Variants in MAP4 observed in about 807,000 individuals in gnomAD.
MAP4 encodes microtubule-associated protein 4.
In MAP4, 76 loss-of-function variants were observed where a neutral mutation model predicts 170.2. The ratio of observed to expected loss-of-function variants is 0.45; its 90% CI spans 0.37 to 0.54. The LOEUF (loss-of-function observed/expected upper bound fraction) is 0.54. Among genes scored for constraint, MAP4 ranks in the 20% least tolerant of loss-of-function variants. MAP4 has a pLI of 0.00. For synonymous variants in MAP4, 909 were observed against 994.5 expected (o/e 0.91, Z 1.62); for missense variants, 2,506 against 2,748.0 (o/e 0.91, Z 1.97).
intron 1 of MAP4, among the ~76,000 whole-genome samples, chr3:48,003,745 C>T (rs1052457194): frequency 6.6e-6 from 1 of 152,134 alleles, no homozygotes; most frequent in Non-Finnish European, 1.5e-5. Flanking sequence ...AACATTGATC[C>T]TGGGTGTGTC....
intron 4 of MAP4, among the ~76,000 whole-genome samples, chr3:47,924,777 G>T (rs577659260): frequency 6.6e-6 from 1 of 151,986 alleles, no homozygotes; most frequent in Non-Finnish European, 1.5e-5. Context: ...CTTTCCTCAT[G>T]ATTAGTAAAC....
intron 1 of MAP4, among the ~76,000 whole-genome samples, chr3:48,067,718 C>A (rs1431071958): frequency 2.0e-5 from 3 of 151,118 alleles, no homozygotes; most frequent in African/African-American, 7.3e-5. Context: ...CGGCTCACTG[C>A]AACCTCTGCT....
rs369670661 is a variant in MAP4, at chr3:47,915,899, C to G, written c.1876+52G>C. The G allele has an allele frequency of 4.5e-6, 7 of 1,549,418 alleles. No homozygotes were observed. The South Asian group carries it at 8.7e-5, about 19-fold the overall frequency. Reference sequence around the variant, plus strand: ...GCATGATGTTTGTCCTTAGTCTTCTCGAGACTACAACCTGGTAGAGAGAAA... The same window carrying G: ...GCATGATGTTTGTCCTTAGTCTTCTGGAGACTACAACCTGGTAGAGAGAAA... On this transcript the variant is annotated intron_variant, in intron 7 of 20. Transcript: ENST00000683076.
intron 2 of MAP4, among the ~76,000 whole-genome samples, chr3:47,981,434 C>T (rs1398992950): frequency 7.9e-5 from 12 of 151,692 alleles, no homozygotes; most frequent in Non-Finnish European, 7.4e-5. Context: ...TGTGGTGGCA[C>T]ACGCCTATAG....
intron 12 of MAP4, among the ~76,000 whole-genome samples, chr3:47,872,533 T>C (rs1576869158): frequency 1.3e-5 from 2 of 152,248 alleles, no homozygotes; most frequent in South Asian, 4.2e-4. Context: ...GTACTGTGGG[T>C]TCAGCAGCTA....
At chr3:47,963,877 G>C (rs989657096) in intron 3 of MAP4, among the ~76,000 whole-genome samples, 1 of 152,172 alleles carries the variant, frequency 6.6e-6, no homozygotes, top group South Asian at 2.1e-4. Flanking sequence ...AAAATAGAAG[G>C]GGTGCAATTT....
chr3:47,994,757 C>G (rs913110536), intron 2 of MAP4, among the ~76,000 whole-genome samples: 1 of 152,142 alleles, frequency 6.6e-6, no homozygotes, highest in Non-Finnish European at 1.5e-5. Context: ...TGAGACCAGC[C>G]TGGCCAACAG....
intron 10 of MAP4, among the ~76,000 whole-genome samples, chr3:47,898,468 C>T (rs1340729240): frequency 6.6e-6 from 1 of 151,344 alleles, no homozygotes; most frequent in Admixed American, 6.6e-5. Flanking sequence ...CGCCACTGCA[C>T]TCCAGCCTGC....
intron 1 of MAP4, among the ~76,000 whole-genome samples, chr3:48,087,049 C>T (rs1403065297): frequency 6.6e-6 from 1 of 152,172 alleles, no homozygotes; most frequent in Non-Finnish European, 1.5e-5. Flanking sequence ...ACAAACATAG[C>T]TAGTGCCTGG....
Position 48,022,224 on chromosome 3 carries a change from G to C in MAP4, c.-19-23345C>G, listed in dbSNP as rs1049701078. ...AATGTGAACGGTAAACAATAACATG[G>C]CGAATATTTTCATGATCACAGAGGC... On this transcript the variant is annotated intron_variant, in intron 1 of 18. Transcript: ENST00000360240. Among the ~76,000 whole-genome samples, 59 of 152,156 alleles carry C rather than the reference G, an allele frequency of 3.9e-4. 1 individual carries two copies. Among genetic ancestry groups the C allele is most frequent in the African/African-American group, 1.4e-3 (57 of 41,430 alleles).
At chr3:48,067,911 A>T (rs1468876857) in intron 1 of MAP4, among the ~76,000 whole-genome samples, 4 of 152,030 alleles carry the variant, frequency 2.6e-5, no homozygotes, top group Non-Finnish European at 4.4e-5. Flanking sequence ...AAGTGCTGGG[A>T]TTACAGGCGT....
At chr3:47,952,203 C>T (rs545081199) in intron 3 of MAP4, among the ~76,000 whole-genome samples, 266 of 151,968 alleles carry the variant, frequency 1.8e-3, no homozygotes, top group Non-Finnish European at 3.3e-3. Flanking sequence ...GCAGCCACCC[C>T]GTCTGGGAAG....
chr3:48,003,359 CAGG>C, intron 1 of MAP4, among the ~76,000 whole-genome samples: 1 of 148,844 alleles, frequency 6.7e-6, no homozygotes, highest in African/African-American at 2.5e-5. Context: ...GAGGCTGAGG[CAGG>C]AGAATCGCTT....
intron 1 of MAP4, among the ~76,000 whole-genome samples, chr3:48,042,909 T>C (rs2100122411): frequency 6.6e-6 from 1 of 152,170 alleles, no homozygotes; most frequent in Non-Finnish European, 1.5e-5. Context: ...TCTGTGTATA[T>C]AAAATATCCA....
intron 1 of MAP4, among the ~76,000 whole-genome samples, chr3:48,045,278 A>AT (rs1370899595): frequency 3.3e-5 from 5 of 151,026 alleles, no homozygotes; most frequent in Non-Finnish European, 5.9e-5. Context: ...AAAAAAAAAA[A>AT]TTTCATTGAA....
At chr3:47,994,771 G>A (rs541885590) in intron 2 of MAP4, among the ~76,000 whole-genome samples, 2 of 152,192 alleles carry the variant, frequency 1.3e-5, no homozygotes, top group Admixed American at 1.3e-4. Flanking sequence ...CCAACAGGGC[G>A]AAACCCCATC....
chr3:47,862,965 GTT>G (rs772169603), intron 17 of MAP4, among the ~76,000 whole-genome samples: 3 of 128,314 alleles, frequency 2.3e-5, no homozygotes, highest in Admixed American at 7.8e-5. Context: ...ATAAAAAGTT[GTT>G]TTTTTTTTTT....
intron 10 of MAP4, among the ~76,000 whole-genome samples, chr3:47,888,260 G>A (rs374191249): frequency 1.3e-5 from 2 of 152,156 alleles, no homozygotes; most frequent in Non-Finnish European, 2.9e-5. Context: ...ATAAAAGCAG[G>A]CTGCCCGAGC....
intron 1 of MAP4, among the ~76,000 whole-genome samples, chr3:48,082,169 TAGAA>T (rs1286454246): frequency 6.6e-6 from 1 of 152,112 alleles, no homozygotes; most frequent in East Asian, 1.9e-4. Flanking sequence ...ATCATAAAAG[TAGAA>T]AGAATTAGAA....
Sources: allele counts gnomAD v4.1 joint callset (sites outside exome capture counted in the v4.1 genomes callset), GRCh38; gene constraint gnomAD v4.1.1; transcripts MANE v1.5; gene names NCBI Gene and HGNC (gene_info 2026-07-23, HGNC 2026-07-21).